LYPLAL1: variants seen among roughly 807,000 people sequenced by gnomAD.
LYPLAL1 encodes lysophospholipase like 1.
A neutral mutation model predicts 19.7 loss-of-function variants in LYPLAL1; 23 were observed. The observed-to-expected ratio is 1.17, with a 90% CI of 0.84 to 1.65. The LOEUF is 1.65. Among genes scored for constraint, LYPLAL1 ranks in the 40% most tolerant of loss-of-function variants. The pLI, the probability that LYPLAL1 is intolerant of heterozygous loss-of-function variation, is 0.00. For missense variants in LYPLAL1, 355 were observed against 279.4 expected (o/e 1.27, Z -1.93); for synonymous variants, 119 against 96.3 (o/e 1.24, Z -1.38).
chr1:219,437,225 G>T, the LYPLAL1 span: 1 of 152,216 alleles, frequency 6.6e-6, no homozygotes, highest in African/African-American at 2.4e-5. Flanking sequence ...ACAGGGCTGG[G>T]TGAGCTCAGA....
At chr1:219,266,220 TTTTC>T in the LYPLAL1 span, among the ~76,000 whole-genome samples, 3 of 152,198 alleles carry the variant, frequency 2.0e-5, no homozygotes, top group African/African-American at 7.2e-5. Context: ...TACAAAACTA[TTTTC>T]TTTCTTTATA....
chr1:219,202,560 T>G lies in LYPLAL1; in HGVS notation c.362-7972T>G, dbSNP rs114218131. On this transcript the variant is annotated intron_variant, in intron 3 of 4. Coordinates refer to ENST00000366928, the MANE Select transcript of LYPLAL1 (RefSeq NM_138794.5). Reference sequence around the variant, plus strand: ...GTACATTTAAGTTGTTAGGTCAGATTTAAGTGCTATTCATAACGTTTTAAT... The same window carrying G: ...GTACATTTAAGTTGTTAGGTCAGATGTAAGTGCTATTCATAACGTTTTAAT... 4.6e-3 allele frequency among the ~76,000 whole-genome samples: 698 copies of G among 152,330 alleles called. 3 individuals are homozygous for G. Among genetic ancestry groups the G allele is most frequent in the African/African-American group, 0.016 (652 of 41,568 alleles).
chr1:219,417,102 A>G, the LYPLAL1 span, among the ~76,000 whole-genome samples: 1 of 152,164 alleles, frequency 6.6e-6, no homozygotes, highest in African/African-American at 2.4e-5. Context: ...CCCCCTTTCC[A>G]AACTATATCC....
the LYPLAL1 span, among the ~76,000 whole-genome samples, chr1:219,426,778 T>C: frequency 1.3e-5 from 2 of 152,186 alleles, no homozygotes; most frequent in South Asian, 4.1e-4. Flanking sequence ...TTTATATTTT[T>C]AGTAGAGACG....
the LYPLAL1 span, among the ~76,000 whole-genome samples, chr1:219,331,115 G>A: frequency 2.6e-5 from 4 of 152,106 alleles, no homozygotes; most frequent in African/African-American, 4.8e-5. Flanking sequence ...CCGTAAAGCT[G>A]GGAATTCACT....
At chr1:219,206,795 C>G (rs2125107000) in intron 3 of LYPLAL1, among the ~76,000 whole-genome samples, 1 of 150,996 alleles carries the variant, frequency 6.6e-6, no homozygotes, top group Admixed American at 6.6e-5. Flanking sequence ...CCCTGGTCAA[C>G]AAAAATGAAG....
chr1:219,386,512 T>C, the LYPLAL1 span, among the ~76,000 whole-genome samples: 1 of 152,172 alleles, frequency 6.6e-6, no homozygotes. Context: ...TGGTTGTTGC[T>C]TTTTAGTCTC....
the LYPLAL1 span, among the ~76,000 whole-genome samples, chr1:219,322,429 G>A: frequency 6.6e-6 from 1 of 152,122 alleles, no homozygotes; most frequent in African/African-American, 2.4e-5. Context: ...GAACAATTTA[G>A]TGAAGCATTA....
At chr1:219,436,304 T>C in the LYPLAL1 span, among the ~76,000 whole-genome samples, 1 of 152,242 alleles carries the variant, frequency 6.6e-6, no homozygotes, top group African/African-American at 2.4e-5. Flanking sequence ...TTTGTATTTG[T>C]GGGCCCCCTT....
chr1:219,236,333 A>G, the LYPLAL1 span, among the ~76,000 whole-genome samples: 2 of 152,246 alleles, frequency 1.3e-5, no homozygotes, highest in Non-Finnish European at 2.9e-5. Flanking sequence ...GTGTCATGAC[A>G]TAAGCAGTGT....
intron 1 of LYPLAL1, 96 bp from the exon 2 acceptor site, chr1:219,179,051 A>T: frequency 1.3e-6 from 1 of 760,938 alleles, no homozygotes; most frequent in African/African-American, 1.8e-5. Context: ...TAAATCCTTT[A>T]TTCCATCCTC....
chr1:219,241,128 C>A, the LYPLAL1 span, among the ~76,000 whole-genome samples: 270 of 81,162 alleles, frequency 3.3e-3, no homozygotes, highest in African/African-American at 5.0e-3. Flanking sequence ...CTCTCTCTCT[C>A]TCTCTCTATA....
chr1:219,381,471 A>G, the LYPLAL1 span, among the ~76,000 whole-genome samples: 91 of 152,280 alleles, frequency 6.0e-4, no homozygotes, highest in African/African-American at 2.0e-3. Flanking sequence ...TAAGGTCTCT[A>G]TTTTCTATCC....
the LYPLAL1 span, among the ~76,000 whole-genome samples, chr1:219,265,723 T>G: frequency 1.3e-5 from 2 of 152,140 alleles, no homozygotes; most frequent in Non-Finnish European, 2.9e-5. Flanking sequence ...CAAACCTAGG[T>G]GGTACAGCCT....
chr1:219,281,672 G>A, the LYPLAL1 span, among the ~76,000 whole-genome samples: 1 of 152,144 alleles, frequency 6.6e-6, no homozygotes, highest in African/African-American at 2.4e-5. Context: ...CAGGGGAGAA[G>A]TCTAGGAAGA....
chr1:219,177,640 T>C (rs768472108), intron 1 of LYPLAL1, among the ~76,000 whole-genome samples: 16 of 152,240 alleles, frequency 1.1e-4, no homozygotes, highest in Admixed American at 9.2e-4. Flanking sequence ...TGACCCTTTA[T>C]AACAAATCCG....
chr1:219,228,070 G>A, the LYPLAL1 span, among the ~76,000 whole-genome samples: 2 of 152,266 alleles, frequency 1.3e-5, no homozygotes, highest in South Asian at 4.1e-4. Context: ...GGCTTCAGCG[G>A]TTCCAGGCAT....
At chr1:219,222,044 A>G in the LYPLAL1 span, among the ~76,000 whole-genome samples, 4 of 152,014 alleles carry the variant, frequency 2.6e-5, no homozygotes, top group Admixed American at 6.5e-5. Context: ...CAGAGCCACA[A>G]AAGTTGGAAT....
the LYPLAL1 span, among the ~76,000 whole-genome samples, chr1:219,281,264 C>T: frequency 6.6e-6 from 1 of 151,694 alleles, no homozygotes; most frequent in Non-Finnish European, 1.5e-5. Flanking sequence ...TAATATCTTC[C>T]CTGTCTACCC....
Sources: allele counts gnomAD v4.1 joint callset (sites outside exome capture counted in the v4.1 genomes callset), GRCh38; gene constraint gnomAD v4.1.1; transcripts MANE v1.5; gene names NCBI Gene and HGNC (gene_info 2026-07-23, HGNC 2026-07-21).